Variants in IL1RAPL1 observed in about 807,000 individuals in gnomAD.
IL1RAPL1 encodes interleukin-1 receptor accessory protein-like 1.
A neutral mutation model predicts 48.4 loss-of-function variants in IL1RAPL1; 3 were observed. That is an observed-to-expected ratio of 0.06 (90% CI 0.03 to 0.16). The LOEUF (loss-of-function observed/expected upper bound fraction) is 0.16. Among genes scored for constraint, IL1RAPL1 ranks in the 10% least tolerant of loss-of-function variants. The pLI, the probability that IL1RAPL1 is intolerant of heterozygous loss-of-function variation, is 1.00. For missense variants in IL1RAPL1, 349 were observed against 530.6 expected, an observed-to-expected ratio of 0.66 and a Z score of 3.36; for synonymous variants, 185 against 187.7, an observed-to-expected ratio of 0.99 and a Z score of 0.12.
At chrX:29,020,775 C>T (rs2147401638) in intron 2 of IL1RAPL1, among the ~76,000 whole-genome samples, 1 of 111,657 alleles carries the variant, frequency 9.0e-6, no homozygotes, top group South Asian at 3.8e-4. Flanking sequence ...AGATTTAATG[C>T]TACTTTTCGC....
chrX:28,590,508 C>T (rs1933896506), intron 1 of IL1RAPL1, among the ~76,000 whole-genome samples: 1 of 111,157 alleles, frequency 9.0e-6, no homozygotes, highest in Non-Finnish European at 1.9e-5. Flanking sequence ...TTTCATACTT[C>T]TGCAGGACAT....
At chrX:28,848,894 C>T (rs755454117) in intron 2 of IL1RAPL1, among the ~76,000 whole-genome samples, 6 of 111,543 alleles carry the variant, frequency 5.4e-5, no homozygotes, top group Non-Finnish European at 1.1e-4. Flanking sequence ...CAGATGCAAA[C>T]GGCGCAGTCA....
At chrX:29,264,601 T>C (rs1223781959) in intron 2 of IL1RAPL1, among the ~76,000 whole-genome samples, 5 of 110,867 alleles carry the variant, frequency 4.5e-5, no homozygotes, top group Admixed American at 9.6e-5. Flanking sequence ...ATATAGTTAA[T>C]ATAAAATTTA....
intron 6 of IL1RAPL1, among the ~76,000 whole-genome samples, chrX:29,673,510 C>A (rs946262359): frequency 1.8e-5 from 2 of 111,301 alleles, no homozygotes; most frequent in Admixed American, 9.6e-5. Flanking sequence ...TTTTCACCAA[C>A]AAACTCAAAT....
chrX:29,317,603 T>A (rs189465167), intron 3 of IL1RAPL1, among the ~76,000 whole-genome samples: 2 of 112,337 alleles, frequency 1.8e-5, no homozygotes, highest in Admixed American at 1.9e-4. Context: ...TGCTTCTGAT[T>A]TCATGGTATG....
At chrX:29,426,998 TAAAAAAA>T (rs35208878) in intron 5 of IL1RAPL1, among the ~76,000 whole-genome samples, 2 of 103,955 alleles carry the variant, frequency 1.9e-5, no homozygotes, top group African/African-American at 6.8e-5. Flanking sequence ...AAAACCTTTT[TAAAAAAA>T]AAAAAAAAAG....
At chrX:29,738,226 A>C (rs1928098380) in intron 6 of IL1RAPL1, among the ~76,000 whole-genome samples, 1 of 110,532 alleles carries the variant, frequency 9.0e-6, no homozygotes, top group Non-Finnish European at 1.9e-5. Context: ...ATTTTTATCT[A>C]CATTAAATAC....
intron 2 of IL1RAPL1, 121 bp downstream of exon 2, chrX:28,789,546 T>C: frequency 1.8e-6 from 1 of 542,615 alleles, no homozygotes; most frequent in Admixed American, 2.6e-5. Context: ...GTGGAGATAT[T>C]GTAGATATTA....
intron 2 of IL1RAPL1, among the ~76,000 whole-genome samples, chrX:29,173,471 T>C (rs1349700246): frequency 9.0e-6 from 1 of 111,709 alleles, no homozygotes; most frequent in African/African-American, 3.3e-5. Flanking sequence ...GAACAGAAAA[T>C]TCATACCTTT....
chrX:29,699,398 T>C (rs1926995733), intron 6 of IL1RAPL1, among the ~76,000 whole-genome samples: 1 of 112,688 alleles, frequency 8.9e-6, no homozygotes, highest in Admixed American at 9.4e-5. Flanking sequence ...TTGTCCAGCA[T>C]GCTGGATTCT....
At chrX:29,482,917 T>C (rs1569321007) in intron 5 of IL1RAPL1, among the ~76,000 whole-genome samples, 1 of 112,003 alleles carries the variant, frequency 8.9e-6, no homozygotes, top group Admixed American at 9.5e-5. Flanking sequence ...TTCCACATCT[T>C]AAGCAACAAT....
At chrX:29,606,940 T>G (rs1923911064) in intron 5 of IL1RAPL1, among the ~76,000 whole-genome samples, 1 of 111,719 alleles carries the variant, frequency 9.0e-6, no homozygotes, top group African/African-American at 3.3e-5. Context: ...AGTATTTTTG[T>G]TTGTAAGGAG....
intron 2 of IL1RAPL1, among the ~76,000 whole-genome samples, chrX:29,129,519 A>G (rs1419595134): frequency 9.1e-6 from 1 of 110,454 alleles, no homozygotes; most frequent in African/African-American, 3.3e-5. Context: ...TGTGAGATTA[A>G]TCTTCTCTTT....
chrX:29,076,798 G>A (rs111636351), intron 2 of IL1RAPL1, among the ~76,000 whole-genome samples: 146 of 85,289 alleles, frequency 1.7e-3, no homozygotes, highest in Middle Eastern at 6.6e-3. Flanking sequence ...CTGTCTGTCT[G>A]TCTGTCTATC....
chrX:29,409,771 A>G (rs1241509241), intron 5 of IL1RAPL1, among the ~76,000 whole-genome samples: 2 of 109,895 alleles, frequency 1.8e-5, no homozygotes, highest in Non-Finnish European at 3.8e-5. Flanking sequence ...TAATTAGAAT[A>G]GTTAACACCT....
At chrX:29,533,826 A>G (rs937324908) in intron 5 of IL1RAPL1, among the ~76,000 whole-genome samples, 1 of 111,484 alleles carries the variant, frequency 9.0e-6, no homozygotes, top group Non-Finnish European at 1.9e-5. Flanking sequence ...ATCTTAGCTT[A>G]TTTTCATAGA....
chrX:29,870,588 C>A (rs1931782296), intron 6 of IL1RAPL1, among the ~76,000 whole-genome samples: 1 of 111,774 alleles, frequency 8.9e-6, no homozygotes, highest in African/African-American at 3.3e-5. Context: ...CTCCTAATTA[C>A]AACTCACTGC....
At chrX:28,720,437 A>G (rs765062040) in intron 1 of IL1RAPL1, among the ~76,000 whole-genome samples, 48 of 111,950 alleles carry the variant, frequency 4.3e-4, no homozygotes, top group African/African-American at 1.5e-3. Flanking sequence ...AAAGGTTGGA[A>G]TTTAGTAATA....
intron 1 of IL1RAPL1, among the ~76,000 whole-genome samples, chrX:28,600,781 G>T (rs763648580): frequency 2.7e-4 from 30 of 111,443 alleles, no homozygotes; most frequent in Non-Finnish European, 2.8e-4. Context: ...TGAATACGAT[G>T]AATTTGAAAT....
Sources: gnomAD v4.1 joint callset for allele counts (sites outside exome capture counted in the v4.1 genomes callset) on GRCh38, gnomAD v4.1.1 for gene constraint, MANE v1.5 for transcripts, NCBI Gene and HGNC (gene_info 2026-07-23, HGNC 2026-07-21) for gene names.